Variants in SSBP1 observed in about 807,000 individuals in gnomAD.
SSBP1 encodes the protein single-stranded DNA-binding protein, mitochondrial.
Under a neutral mutation model 27.0 loss-of-function variants are expected in SSBP1, and 20 were observed. The ratio of observed to expected loss-of-function variants is 0.74; its 90% confidence interval spans 0.52 to 1.08. The LOEUF (loss-of-function observed/expected upper bound fraction) is 1.08. SSBP1 is among the 50% of genes least tolerant of loss of function. SSBP1 has a pLI of 0.00. For synonymous variants in SSBP1, 59 were observed against 59.3 expected, an observed-to-expected ratio of 1.00 and a Z score of 0.02; for missense variants, 137 against 182.4, an observed-to-expected ratio of 0.75 and a Z score of 1.44.
intron 6 of SSBP1, chr7:141,745,867 A>C: frequency 8.9e-7 from 1 of 1,121,484 alleles, no homozygotes; most frequent in Non-Finnish European, 1.1e-6. Flanking sequence ...TGAGAATTAC[A>C]AAAACTCTGA....
In SSBP1 at chr7:141,743,832, C is replaced by A. The variant is rs563970880; in HGVS notation, c.227-70C>A. On this transcript the variant is annotated intron_variant, in intron 4 of 6. Transcript: ENST00000265304. ...TCATTCTGTTTGTTCTCTTAGAAAT[C>A]GTGACATTGGTTTTCCTGGGCATGT... is the stretch of plus-strand genomic sequence containing the variant. 4 of 1,555,764 alleles carry A rather than the reference C, an allele frequency of 2.6e-6. No homozygotes were observed. In the African/African-American group the frequency reaches 5.5e-5, roughly 21 times the overall value.
chr7:141,746,759 T>C (rs1799806207), intron 6 of SSBP1, among the ~76,000 whole-genome samples: 1 of 152,248 alleles, frequency 6.6e-6, no homozygotes, highest in South Asian at 2.1e-4. Flanking sequence ...TTGAAAATGC[T>C]ATAAGAATTT....
intron 6 of SSBP1, among the ~76,000 whole-genome samples, chr7:141,747,535 A>G (rs1799829633): frequency 1.3e-5 from 2 of 151,380 alleles, no homozygotes; most frequent in South Asian, 4.2e-4. Flanking sequence ...GACTACAGGC[A>G]CGCGCCACCA....
At chr7:141,741,869 C>T in intron 2 of SSBP1, 1 of 914,744 alleles carries the variant, frequency 1.1e-6, no homozygotes, top group Non-Finnish European at 1.4e-6. Flanking sequence ...CTTTTGTGTG[C>T]AAACACAGAA....
At chr7:141,739,078 G>T in intron 1 of SSBP1, 46 bp from the exon 2 acceptor site, 2 of 1,164,342 alleles carry the variant, frequency 1.7e-6, no homozygotes, top group Non-Finnish European at 1.2e-6. Context: ...TTGTACTTTT[G>T]CCATAAGAGG....
intron 3 of SSBP1, among the ~76,000 whole-genome samples, chr7:141,742,482 T>C (rs760089438): frequency 2.0e-5 from 3 of 152,196 alleles, no homozygotes; most frequent in Non-Finnish European, 4.4e-5. Flanking sequence ...CCTTGAGTCA[T>C]ATTTGGTTAT....
At chr7:141,743,089 G>GCA in intron 3 of SSBP1, among the ~76,000 whole-genome samples, 1 of 152,334 alleles carries the variant, frequency 6.6e-6, no homozygotes, top group East Asian at 1.9e-4. Context: ...TCCTGACCTT[G>GCA]TGATCCGCCC....
At chr7:141,742,020 CTG>C in intron 2 of SSBP1, 147 bp from the exon 3 acceptor site, 1 of 634,562 alleles carries the variant, frequency 1.6e-6, no homozygotes, top group South Asian at 2.6e-5. Flanking sequence ...TTCTGGCACT[CTG>C]TTGGGAGAAC....
intron 2 of SSBP1, chr7:141,739,940 CT>C (rs1374348995): frequency 6.6e-6 from 1 of 152,092 alleles, no homozygotes; most frequent in Non-Finnish European, 1.5e-5. Flanking sequence ...AAAGTTATTG[CT>C]TCTTAACACT....
intron 2 of SSBP1, chr7:141,740,296 C>T (rs996060711): frequency 6.6e-6 from 1 of 152,210 alleles, no homozygotes; most frequent in Non-Finnish European, 1.5e-5. Context: ...TGGTGGACTT[C>T]TGCTTTTTAT....
In SSBP1 at chr7:141,743,640, A is replaced by G. The variant is rs1055452900; in HGVS notation, c.165A>G (p.Thr55=). The G allele has an allele frequency of 1.3e-5, 21 of 1,614,066 alleles. No individual in the cohort carries two copies. The highest frequency in any genetic ancestry group is 2.7e-5 in the African/African-American group (2 of 74,902). Reference sequence around the variant, plus strand: ...AGGTGGAAGGAAAAAATCCAGTCACAATATTTTCTCTAGCAACTAATGAGA... The same window carrying G: ...AGGTGGAAGGAAAAAATCCAGTCACGATATTTTCTCTAGCAACTAATGAGA... ...LRQVEGKNPV[T]IFSLATNEMW... is the part of the protein sequence containing the mutation. The change falls in exon 4 of 7, where the codon ACA becomes ACG. Residue 55 remains threonine, a synonymous_variant. Transcript: ENST00000265304.
intron 3 of SSBP1, among the ~76,000 whole-genome samples, chr7:141,742,863 CT>C (rs112265951): frequency 6.6e-6 from 1 of 151,586 alleles, no homozygotes; most frequent in Admixed American, 6.6e-5. Flanking sequence ...GTGTGGATTT[CT>C]TTTTTTTTGA....
intron 6 of SSBP1, chr7:141,746,264 A>G (rs1164351214): frequency 6.6e-6 from 1 of 152,140 alleles, no homozygotes; most frequent in African/African-American, 2.4e-5. Flanking sequence ...CAGGTGATCC[A>G]TCCACCTCGG....
chr7:141,750,390 G>C lies in SSBP1; in HGVS notation c.*36G>C. On this transcript the variant is annotated 3_prime_UTR_variant, in exon 7 of 7. Coordinates refer to ENST00000265304, the MANE Select transcript of SSBP1 (RefSeq NM_003143.3). The stretch of plus-strand genomic sequence containing the variant: ...TCTTCTTTGGCCATCATTTGGTACA[G>C]TCTCATTTCCAAGTCATGTATAATC... The C allele has an allele frequency of 1.3e-6, 2 of 1,535,044 alleles. No homozygotes were observed. Among genetic ancestry groups the C allele is most frequent in the African/African-American group, 1.4e-5 (1 of 71,080 alleles).
At chr7:141,739,463 T>G in intron 2 of SSBP1, 1 of 328,892 alleles carries the variant, frequency 3.0e-6, no homozygotes, top group East Asian at 4.5e-5. Context: ...GAGAGGACAT[T>G]AAAGGTCTTT....
intron 5 of SSBP1, 116 bp downstream of exon 5, chr7:141,744,105 A>T: frequency 1.2e-6 from 1 of 855,306 alleles, no homozygotes; most frequent in East Asian, 2.7e-5. Context: ...TAATGACTGT[A>T]TTAATTTAAG....
intron 3 of SSBP1, among the ~76,000 whole-genome samples, chr7:141,742,482 T>G (rs760089438): frequency 6.6e-6 from 1 of 152,196 alleles, no homozygotes; most frequent in African/African-American, 2.4e-5. Context: ...CCTTGAGTCA[T>G]ATTTGGTTAT....
chr7:141,746,781 T>TACCC (rs1224444269), intron 6 of SSBP1, among the ~76,000 whole-genome samples: 1 of 152,210 alleles, frequency 6.6e-6, no homozygotes, highest in Non-Finnish European at 1.5e-5. Context: ...GAAAATAATA[T>TACCC]ACCCCTCTGG....
At chr7:141,745,261 G>C (rs551580753) in intron 5 of SSBP1, among the ~76,000 whole-genome samples, 1 of 152,008 alleles carries the variant, frequency 6.6e-6, no homozygotes, top group African/African-American at 2.4e-5. Context: ...TTTAACTTCC[G>C]TAAGAGAAAT....
Sources: gnomAD v4.1 joint callset for allele counts (sites outside exome capture counted in the v4.1 genomes callset) on GRCh38, gnomAD v4.1.1 for gene constraint, MANE v1.5 for transcripts, NCBI Gene and HGNC (gene_info 2026-07-23, HGNC 2026-07-21) for gene names.